Variants in LAMA3 observed in about 807,000 individuals in gnomAD.
LAMA3 encodes laminin subunit alpha 3.
A neutral mutation model predicts 402.0 loss-of-function variants in LAMA3; 281 were observed. The ratio of observed to expected loss-of-function variants is 0.70; its 90% CI spans 0.63 to 0.77. The LOEUF is 0.77. Among genes scored for constraint, LAMA3 ranks in the 30% least tolerant of loss-of-function variants. The pLI, the probability that LAMA3 is intolerant of heterozygous loss-of-function variation, is 0.00. For synonymous variants in LAMA3, 1,431 were observed against 1,558.4 expected (o/e 0.92, Z 1.93); for missense variants, 3,840 against 4,215.5 (o/e 0.91, Z 2.47).
Position 23,914,733 on chromosome 18 carries a change from G to A in LAMA3, c.7517G>A (p.Gly2506Glu). Residue 2506 changes from glycine to glutamate, a missense_variant, in exon 58 of 75, where the codon GGA becomes GAA. This residue lies in a region of LAMA3 where 891 missense variants were observed against 857.5 expected (regional missense o/e 1.04). Coordinates refer to ENST00000313654, the MANE Select transcript of LAMA3 (RefSeq NM_198129.4). ...TTTGCAAGGCTTAATTACACCAAAG[G>A]AGCCACATCCAGTAAACCAGAAACA... ...YQFARLNYTK[G>E]ATSSKPETPG... The A allele has an allele frequency of 1.2e-6, 2 of 1,613,724 alleles. No individual in the cohort carries two copies. The highest frequency in any genetic ancestry group is 1.7e-6 in the Non-Finnish European group (2 of 1,179,774).
At chr18:23,759,295 T>G (rs1237642033) in intron 7 of LAMA3, among the ~76,000 whole-genome samples, 1 of 142,514 alleles carries the variant, frequency 7.0e-6, no homozygotes, top group Admixed American at 7.3e-5. Flanking sequence ...ATCCTGCCAC[T>G]GCACTCCAGC....
chr18:23,850,989 T>C (rs1691619098), intron 32 of LAMA3, among the ~76,000 whole-genome samples: 2 of 152,212 alleles, frequency 1.3e-5, no homozygotes, highest in Non-Finnish European at 2.9e-5. Context: ...AGGAAAGATT[T>C]GGGGATTCCC....
In LAMA3 at chr18:23,722,470, T is replaced by C. The variant is rs111408110; in HGVS notation, c.447+8398T>C. Among the ~76,000 whole-genome samples, 168 of 152,356 alleles carry C rather than the reference T, an allele frequency of 1.1e-3. 1 individual carries two copies. The highest frequency in any genetic ancestry group is 3.7e-3 in the African/African-American group (152 of 41,586). On this transcript the variant is annotated intron_variant, in intron 2 of 74. Transcript: ENST00000313654. Reference sequence around the variant, plus strand: ...CCACTAAGATGGAATTAAATGGAAATGTGAATTCCAATACTGTTGTTTTCT... The same window carrying C: ...CCACTAAGATGGAATTAAATGGAAACGTGAATTCCAATACTGTTGTTTTCT...
chr18:23,920,150 AG>A (rs1177714079), intron 60 of LAMA3, among the ~76,000 whole-genome samples: 1 of 152,172 alleles, frequency 6.6e-6, no homozygotes. Flanking sequence ...ACGTGCATGC[AG>A]GGGGCAGGCT....
chr18:23,933,636 T>C (rs2082229153), intron 66 of LAMA3, 146 bp from the exon 67 acceptor site: 2 of 752,300 alleles, frequency 2.7e-6, no homozygotes, highest in East Asian at 5.3e-5. Context: ...ATCATATTCC[T>C]TCTATCTAAC....
intron 20 of LAMA3, 28 bp downstream of exon 20, chr18:23,822,403 C>G (rs369771306): frequency 6.2e-7 from 1 of 1,606,232 alleles, no homozygotes; most frequent in Non-Finnish European, 8.5e-7. Flanking sequence ...AATGTCAAGC[C>G]TCTTTTCAAT....
chr18:23,800,043 A>G (rs1479499110), intron 12 of LAMA3, among the ~76,000 whole-genome samples: 3 of 152,242 alleles, frequency 2.0e-5, no homozygotes, highest in Admixed American at 1.3e-4. Context: ...TCACAGTGAC[A>G]TTTAGGCTGG....
intron 6 of LAMA3, among the ~76,000 whole-genome samples, chr18:23,756,604 G>C (rs1029960903): frequency 2.0e-5 from 3 of 152,170 alleles, no homozygotes; most frequent in Non-Finnish European, 2.9e-5. Context: ...TGTCAAGTGA[G>C]TTTATCTCTG....
At chr18:23,721,844 C>G (rs373042191) in intron 2 of LAMA3, among the ~76,000 whole-genome samples, 1 of 152,178 alleles carries the variant, frequency 6.6e-6, no homozygotes. Flanking sequence ...CTGAAAGGAA[C>G]AGAATCCATA....
chr18:23,818,626 T>C (rs564219497), intron 18 of LAMA3, among the ~76,000 whole-genome samples: 48 of 152,346 alleles, frequency 3.2e-4, no homozygotes, highest in African/African-American at 1.1e-3. Context: ...AAATGTAATA[T>C]ATGTCCAGTG....
At position 23,949,698 on chromosome 18, in the gene LAMA3, G is replaced by A. The variant is rs981449614; in HGVS notation, c.9352-67G>A. The A allele has an allele frequency of 9.9e-6, 15 of 1,522,518 alleles. 1 individual carries two copies. Among genetic ancestry groups the A allele is most frequent in the South Asian group, 3.4e-5 (3 of 89,192 alleles). 94.3% of individuals were successfully genotyped at this position (1,522,518 alleles called of 1,614,324 possible). A position where few individuals can be genotyped will look rare whatever the true frequency, so the allele number is the denominator to read the frequency against. On this transcript the variant is annotated intron_variant, in intron 70 of 74. Coordinates refer to ENST00000313654, the MANE Select transcript of LAMA3 (RefSeq NM_198129.4). ...TTGCTGACAAGCTGCAGTGCCCTTC[G>A]CCTTGGCTACCCATGCCTTTCTTGG...
At chr18:23,754,584 G>T (rs1476550373) in intron 6 of LAMA3, among the ~76,000 whole-genome samples, 1 of 152,122 alleles carries the variant, frequency 6.6e-6, no homozygotes, top group Non-Finnish European at 1.5e-5. Flanking sequence ...TTCATTCGTG[G>T]ATACACACTT....
In LAMA3 at chr18:23,839,806, C is replaced by G; in HGVS notation, c.3213C>G (p.Ala1071=). 6.2e-7 allele frequency: 1 copy of G among 1,614,124 alleles called. No individual in the cohort carries two copies. The highest frequency in any genetic ancestry group is 1.3e-5 in the African/African-American group (1 of 75,038). ...VNQSATCVSL[A]HETPPTALIL... ...TCAGTGCCACCTGTGTCTCCTTGGC[C>G]CATGAAACTCCTCCAACAGCATTAA... The change falls in exon 27 of 75, where the codon GCC becomes GCG. Residue 1071 remains alanine, a synonymous_variant. Transcript: ENST00000313654. This position sits in a 1 kb window ranked among gnomAD's most constrained non-coding sequence, Gnocchi z 4.5.
chr18:23,952,398 T>C (rs879425702), intron 73 of LAMA3, among the ~76,000 whole-genome samples: 16 of 152,224 alleles, frequency 1.1e-4, no homozygotes, highest in Non-Finnish European at 2.2e-4. Context: ...AGAGCAAGCA[T>C]TTCCTCTCAA....
chr18:23,950,032 A>T lies in LAMA3; in HGVS notation c.9515A>T (p.His3172Leu), dbSNP rs765118160. The T allele has an allele frequency of 2.5e-6, 4 of 1,613,952 alleles. No homozygotes were observed. The highest frequency in any genetic ancestry group is 2.7e-5 in the African/African-American group (2 of 74,946). ...SEEGGHVVLA[H>L]SVLLGPEFKL... ...TGCTTTGTTTCTCTTTTGAAAGCTC[A>T]CTCTGTATTGTTGGGGCCAGAATTT... Residue 3172 changes from histidine to leucine, a missense_variant, in exon 72 of 75, where the codon CAC (histidine) becomes CTC (leucine). Physicochemically the swap from His to Leu is moderately conservative, Grantham distance 99. Coordinates refer to ENST00000313654, the MANE Select transcript of LAMA3 (RefSeq NM_198129.4).
chr18:23,794,128 C>T (rs1028686723), intron 12 of LAMA3, among the ~76,000 whole-genome samples: 1 of 152,250 alleles, frequency 6.6e-6, no homozygotes, highest in Non-Finnish European at 1.5e-5. Flanking sequence ...GCTCTCTGAA[C>T]CTTGTCCTCC....
At chr18:23,701,305 C>T (rs1160820156) in intron 1 of LAMA3, among the ~76,000 whole-genome samples, 1 of 152,136 alleles carries the variant, frequency 6.6e-6, no homozygotes, top group Non-Finnish European at 1.5e-5. Flanking sequence ...CTGAGTTGGG[C>T]ATGAGTGGAG....
rs2081355062 is a variant in LAMA3, at chr18:23,909,254, A to C, written c.7117A>C (p.Ile2373Leu). Reference protein sequence around the residue: ...LGNISDNMDRIRELIQQARDA... With the variant: ...LGNISDNMDRLRELIQQARDA... ...AAACATCTCTGACAACATGGACAGA[A>C]TACGAGAACTAATTCAGCAGGCCAG... The change falls in exon 55 of 75, where the codon ATA becomes CTA. Residue 2373 changes from isoleucine (I) to leucine (L), a missense_variant. Physicochemically the swap from Ile to Leu is conservative, Grantham distance 5 (BLOSUM62 2). This residue lies in a region of LAMA3 where 891 missense variants were observed against 857.5 expected (regional missense o/e 1.04). Coordinates refer to ENST00000313654, the MANE Select transcript of LAMA3 (RefSeq NM_198129.4). 6.2e-7 allele frequency: 1 copy of C among 1,613,642 alleles called. No homozygotes were observed. Among genetic ancestry groups the C allele is most frequent in the East Asian group, 2.2e-5 (1 of 44,888 alleles).
chr18:23,766,414 A>G (rs1020941743), intron 8 of LAMA3, among the ~76,000 whole-genome samples: 1 of 152,234 alleles, frequency 6.6e-6, no homozygotes, highest in Non-Finnish European at 1.5e-5. Flanking sequence ...TGTCTAAGAG[A>G]CCTACACTAC....
Sources: gnomAD v4.1 joint callset for allele counts (sites outside exome capture counted in the v4.1 genomes callset) on GRCh38, gnomAD v4.1.1 for gene constraint, gnomAD v4.1.1 regional missense constraint, Gnocchi (gnomAD v3.1) non-coding constraint, MANE v1.5 for transcripts, NCBI Gene and HGNC (gene_info 2026-07-23, HGNC 2026-07-21) for gene names.